CLTCL1: variants seen among roughly 807,000 people sequenced by gnomAD.
The protein encoded by CLTCL1 is clathrin heavy chain like 1.
CLTCL1 carries 159 observed loss-of-function variants against 190.0 expected under a neutral mutation model. The ratio of observed to expected loss-of-function variants is 0.84; its 90% CI spans 0.74 to 0.95. The LOEUF is 0.95. Among genes scored for constraint, CLTCL1 ranks in the 40% least tolerant of loss-of-function variants. CLTCL1 has a pLI of 0.00. For synonymous variants in CLTCL1, 752 were observed against 769.6 expected, an observed-to-expected ratio of 0.98 and a Z score of 0.38; for missense variants, 1,878 against 2,033.4, an observed-to-expected ratio of 0.92 and a Z score of 1.47.
rs563100122 is a variant in CLTCL1, at chr22:19,189,914, C to T, written c.4323+1390G>A. 5.9e-5 allele frequency among the ~76,000 whole-genome samples: 9 copies of T among 152,252 alleles called. No homozygotes were observed. In the South Asian group the frequency reaches 1.9e-3, roughly 32 times the overall value. Reference sequence around the variant, plus strand: ...TCATTTCTTTGTGTTGGGAACATTTCAAATCTTCTCCTTTAGCTATTTTGA... The same window carrying T: ...TCATTTCTTTGTGTTGGGAACATTTTAAATCTTCTCCTTTAGCTATTTTGA... On this transcript the variant is annotated intron_variant, in intron 27 of 32. Coordinates refer to ENST00000427926, the MANE Select transcript of CLTCL1 (RefSeq NM_007098.4).
chr22:19,187,741 C>A lies in CLTCL1; in HGVS notation c.4435-13G>T, dbSNP rs782757294. 7 of 1,611,550 alleles carry A rather than the reference C, an allele frequency of 4.3e-6. No homozygotes were observed. Among genetic ancestry groups the A allele is most frequent in the Non-Finnish European group, 5.9e-6 (7 of 1,178,398 alleles). Reference sequence around the variant, plus strand: ...ATGCCCTTAAGCCCTAGGAAGACAGCCTTTCTGTGAGGGATGGGACACTGA... The same window carrying A: ...ATGCCCTTAAGCCCTAGGAAGACAGACTTTCTGTGAGGGATGGGACACTGA... On this transcript the variant is annotated splice_polypyrimidine_tract_variant and intron_variant, in intron 28 of 32. Coordinates refer to ENST00000427926, the MANE Select transcript of CLTCL1 (RefSeq NM_007098.4).
chr22:19,245,438 C>T (rs2086389353), intron 3 of CLTCL1, among the ~76,000 whole-genome samples: 2 of 152,058 alleles, frequency 1.3e-5, no homozygotes, highest in African/African-American at 4.8e-5. Flanking sequence ...ATGATCTGTC[C>T]ACCTTGGCTT....
intron 1 of CLTCL1, among the ~76,000 whole-genome samples, chr22:19,287,744 T>G (rs2087958584): frequency 6.6e-6 from 1 of 151,786 alleles, no homozygotes; most frequent in Non-Finnish European, 1.5e-5. Context: ...GACAACAGGA[T>G]GGGGAAAACA....
intron 3 of CLTCL1, among the ~76,000 whole-genome samples, chr22:19,248,586 G>C (rs1431217361): frequency 6.6e-6 from 1 of 152,120 alleles, no homozygotes; most frequent in African/African-American, 2.4e-5. Flanking sequence ...CCAGTCATAG[G>C]CAACTACTTA....
At chr22:19,236,900 A>G (rs2086098448) in intron 5 of CLTCL1, among the ~76,000 whole-genome samples, 1 of 152,196 alleles carries the variant, frequency 6.6e-6, no homozygotes, top group African/African-American at 2.4e-5. Flanking sequence ...AGAGTAAAGA[A>G]CTGAATTTCT....
Position 19,190,596 on chromosome 22 carries a change from C to CAAA in CLTCL1, c.4323+705_4323+707dup, listed in dbSNP as rs55780206. ...CCTGGGCAACAGAGCAAGACTGTCTCAAAAAAAAAAAAAAAAAAAAAAAGA... is the reference window on the plus strand; with the variant it reads ...CCTGGGCAACAGAGCAAGACTGTCTCAAAAAAAAAAAAAAAAAAAAAAAAAAGA... On this transcript the variant is annotated intron_variant, in intron 27 of 32. Coordinates refer to ENST00000427926, the MANE Select transcript of CLTCL1 (RefSeq NM_007098.4). Among the ~76,000 whole-genome samples the CAAA allele has an allele frequency of 3.0e-4, 22 of 72,798 alleles. 1 individual carries two copies. Among genetic ancestry groups the CAAA allele is most frequent in the Admixed American group, 3.5e-4 (2 of 5,738 alleles). 47.8% of individuals were successfully genotyped at this position (72,798 alleles called of 152,430 possible).
intron 1 of CLTCL1, 73 bp downstream of exon 1, chr22:19,291,527 G>A (rs548408849): frequency 9.7e-5 from 121 of 1,245,376 alleles, no homozygotes; most frequent in Non-Finnish European, 1.2e-4. Flanking sequence ...CTGGGGGCGC[G>A]GGGTCAAGCC....
Position 19,208,146 on chromosome 22 carries a change from T to A in CLTCL1, c.3600+8A>T. ...GGCAGTGCACAGCCCCCAGGGGGCA[T>A]GGCCTACCTGCTGGATGTGGGCATT... On this transcript the variant is annotated splice_region_variant and intron_variant, in intron 22 of 32. Transcript: ENST00000427926. The A allele has an allele frequency of 6.2e-7, 1 of 1,613,832 alleles. No homozygotes were observed. Among genetic ancestry groups the A allele is most frequent in the Non-Finnish European group, 8.5e-7 (1 of 1,179,856 alleles).
chr22:19,184,867 G>C, intron 29 of CLTCL1: 1 of 293,144 alleles, frequency 3.4e-6, no homozygotes, highest in Non-Finnish European at 6.7e-6. Flanking sequence ...CACCTCCCCG[G>C]CCCATGCCAC....
At chr22:19,199,667 G>A (rs1601490496) in intron 24 of CLTCL1, 67 bp downstream of exon 24, 4 of 1,193,206 alleles carry the variant, frequency 3.4e-6, no homozygotes, top group Non-Finnish European at 4.8e-6. Context: ...GGGGATGACC[G>A]TGCCTCTCTG....
chr22:19,252,643 T>C (rs1053866960), intron 3 of CLTCL1, among the ~76,000 whole-genome samples: 6 of 152,290 alleles, frequency 3.9e-5, no homozygotes, highest in East Asian at 1.9e-4. Flanking sequence ...GTCATCAGGA[T>C]TGAATGACGA....
intron 7 of CLTCL1, among the ~76,000 whole-genome samples, chr22:19,234,244 A>G (rs1365471548): frequency 6.6e-6 from 1 of 152,228 alleles, no homozygotes; most frequent in Non-Finnish European, 1.5e-5. Flanking sequence ...AGTTACAGAA[A>G]TGTGAAACTG....
intron 4 of CLTCL1, 72 bp downstream of exon 4, chr22:19,242,703 C>T (rs576154710): frequency 1.3e-6 from 2 of 1,539,952 alleles, no homozygotes; most frequent in South Asian, 2.3e-5. Context: ...CATGCCCAGC[C>T]ACACACACGC....
At position 19,231,327 on chromosome 22, in the gene CLTCL1, G is replaced by A. The variant is rs369649896; in HGVS notation, c.1644+1149C>T. 5.3e-5 allele frequency among the ~76,000 whole-genome samples: 8 copies of A among 152,304 alleles called. No homozygotes were observed. In the East Asian group the frequency reaches 9.6e-4, roughly 18 times the overall value. ...CAGCCTCAACCTTCAGGGCTCAAGC[G>A]ATCCTCCCATCTCAGCCTCCTGAGT... On this transcript the variant is annotated intron_variant, in intron 10 of 32. Transcript: ENST00000427926.
intron 1 of CLTCL1, among the ~76,000 whole-genome samples, chr22:19,279,043 G>T (rs2087614113): frequency 6.6e-6 from 1 of 151,434 alleles, no homozygotes; most frequent in Admixed American, 6.6e-5. Flanking sequence ...CAACTGGATA[G>T]ATTAGTGTTA....
chr22:19,210,538 T>C, intron 19 of CLTCL1, 29 bp from the exon 20 acceptor site: 1 of 1,596,412 alleles, frequency 6.3e-7, no homozygotes, highest in Non-Finnish European at 8.6e-7. Context: ...CAGCACGGCA[T>C]CCCAGGAACG....
intron 22 of CLTCL1, among the ~76,000 whole-genome samples, chr22:19,203,258 T>G (rs58460268): frequency 0.14 from 21,320 of 152,104 alleles, 2,568 homozygotes; most frequent in East Asian, 0.43. Context: ...GAGGTTGCAG[T>G]GAGCTGAGAT....
At chr22:19,263,111 T>G (rs1040315750) in intron 2 of CLTCL1, among the ~76,000 whole-genome samples, 2 of 151,842 alleles carry the variant, frequency 1.3e-5, no homozygotes, top group Non-Finnish European at 2.9e-5. Flanking sequence ...AAATAGATTA[T>G]TCATTTATTT....
chr22:19,222,232 T>G (rs2085595880), intron 15 of CLTCL1, 139 bp from the exon 16 acceptor site: 7 of 812,532 alleles, frequency 8.6e-6, no homozygotes, highest in Non-Finnish European at 1.4e-5. Context: ...AAAATTCACC[T>G]GCTGATGTCC....
Sources: allele counts gnomAD v4.1 joint callset (sites outside exome capture counted in the v4.1 genomes callset), GRCh38; gene constraint gnomAD v4.1.1; transcripts MANE v1.5; gene names NCBI Gene and HGNC (gene_info 2026-07-23, HGNC 2026-07-21).